The following SORCS2 variants were observed in gnomAD, a reference collection of about 807,000 sequenced individuals.
SORCS2 encodes sortilin related VPS10 domain containing receptor 2, also known as VPS10 domain-containing receptor SorCS2.
Under a neutral mutation model 141.6 loss-of-function variants are expected in SORCS2, and 100 were observed. That is an observed-to-expected ratio of 0.71 (90% CI 0.60 to 0.83). The LOEUF is 0.83. SORCS2 is among the 40% of genes least tolerant of loss of function. SORCS2 has a pLI of 0.00. For missense variants in SORCS2, 1,646 were observed against 1,560.2 expected (o/e 1.05, Z -0.93); for synonymous variants, 789 against 676.9 (o/e 1.17, Z -2.57).
intron 2 of SORCS2, among the ~76,000 whole-genome samples, chr4:7,417,411 C>G (rs927941193): frequency 6.6e-6 from 1 of 152,188 alleles, no homozygotes; most frequent in African/African-American, 2.4e-5. Flanking sequence ...CAGGGGCTAA[C>G]ACAGGGAGCA....
chr4:7,613,349 G>A (rs1302223725), intron 3 of SORCS2, among the ~76,000 whole-genome samples: 1 of 152,256 alleles, frequency 6.6e-6, no homozygotes, highest in Non-Finnish European at 1.5e-5. Flanking sequence ...GGCGCTGTCT[G>A]TTCAGCGGGG....
chr4:7,313,177 T>A (rs73796625), intron 1 of SORCS2, among the ~76,000 whole-genome samples: 149 of 152,382 alleles, frequency 9.8e-4, no homozygotes, highest in African/African-American at 3.5e-3. Context: ...TTCCGATGCA[T>A]TCATTGTGCA....
At chr4:7,722,864 C>T (rs377589365) in intron 18 of SORCS2, among the ~76,000 whole-genome samples, 3 of 152,208 alleles carry the variant, frequency 2.0e-5, no homozygotes, top group African/African-American at 4.8e-5. Flanking sequence ...GAGAAGATGG[C>T]TAAGTGGTTA....
intron 2 of SORCS2, among the ~76,000 whole-genome samples, chr4:7,506,590 T>A (rs1560340283): frequency 6.6e-6 from 1 of 152,068 alleles, no homozygotes; most frequent in African/African-American, 2.4e-5. Flanking sequence ...ACTGGCCGCA[T>A]GGCCCTTGGC....
intron 9 of SORCS2, 55 bp from the exon 10 acceptor site, chr4:7,682,688 G>C (rs1723600054): frequency 6.5e-7 from 1 of 1,534,668 alleles, no homozygotes; most frequent in East Asian, 2.4e-5. Flanking sequence ...GTGGATACTT[G>C]GTCATCAGAG....
In SORCS2 at chr4:7,565,034, C is replaced by T. The variant is rs564233118; in HGVS notation, c.648+33405C>T. 3.9e-5 allele frequency among the ~76,000 whole-genome samples: 6 copies of T among 152,232 alleles called. No individual in the cohort carries two copies. In the South Asian group the frequency reaches 6.2e-4, roughly 16 times the overall value. ...CCTTTGGATGCTCCTCCTCATGTTA[C>T]GATTGAGGCCCGTGTGTTAGCTACC... On this transcript the variant is annotated intron_variant, in intron 3 of 26. Coordinates refer to ENST00000507866, the MANE Select transcript of SORCS2 (RefSeq NM_020777.3).
intron 1 of SORCS2, among the ~76,000 whole-genome samples, chr4:7,252,376 G>A (rs1255972238): frequency 6.6e-6 from 1 of 152,326 alleles, no homozygotes; most frequent in African/African-American, 2.4e-5. Context: ...GAGCTCAGGG[G>A]CCGGCAGTGC....
chr4:7,317,088 C>A, intron 1 of SORCS2, among the ~76,000 whole-genome samples: 1 of 152,162 alleles, frequency 6.6e-6, no homozygotes, highest in East Asian at 1.9e-4. Flanking sequence ...GCTTCAAGGT[C>A]CCCAGTGTCC....
intron 3 of SORCS2, among the ~76,000 whole-genome samples, chr4:7,590,701 C>A (rs976124998): frequency 6.6e-6 from 1 of 152,206 alleles, no homozygotes; most frequent in African/African-American, 2.4e-5. Flanking sequence ...ATGGTCCCAT[C>A]CCTGCCCTGG....
At chr4:7,714,123 C>G in intron 15 of SORCS2, 117 bp from the exon 16 acceptor site, 1 of 1,396,516 alleles carries the variant, frequency 7.2e-7, no homozygotes, top group Non-Finnish European at 9.5e-7. Flanking sequence ...CTCAGTTTCC[C>G]CATCTGTAAC....
At chr4:7,351,168 C>T (rs1720918938) in intron 1 of SORCS2, among the ~76,000 whole-genome samples, 2 of 152,190 alleles carry the variant, frequency 1.3e-5, no homozygotes, top group South Asian at 2.1e-4. Flanking sequence ...GCCCCTGGCC[C>T]TCTGCTGCCT....
chr4:7,671,461 G>GA (rs1241227708), intron 8 of SORCS2, among the ~76,000 whole-genome samples: 1 of 151,548 alleles, frequency 6.6e-6, no homozygotes, highest in Non-Finnish European at 1.5e-5. Context: ...GAAAAATAGA[G>GA]AAAAACAAGA....
chr4:7,297,028 C>T (rs1378134085), intron 1 of SORCS2, among the ~76,000 whole-genome samples: 2 of 152,218 alleles, frequency 1.3e-5, no homozygotes, highest in African/African-American at 4.8e-5. Context: ...ACACCTGGGA[C>T]AGCCATGCCC....
At chr4:7,560,232 G>C (rs546461647) in intron 3 of SORCS2, among the ~76,000 whole-genome samples, 45 of 152,310 alleles carry the variant, frequency 3.0e-4, no homozygotes, top group African/African-American at 1.1e-3. Flanking sequence ...GCTTCTGGCA[G>C]ACTCTCGGGA....
Position 7,732,058 on chromosome 4 carries a change from G to T in SORCS2, c.3109-1264G>T, listed in dbSNP as rs112594717. Among the ~76,000 whole-genome samples, 67 of 152,280 alleles carry T rather than the reference G, an allele frequency of 4.4e-4. 1 individual carries two copies. Among genetic ancestry groups the T allele is most frequent in the African/African-American group, 1.6e-3 (65 of 41,546 alleles). The stretch of plus-strand genomic sequence containing the variant: ...ATTCATGAAGCATACCTCTGACAAG[G>T]GTTCACATCCAGAATACGTAAGAAA... On this transcript the variant is annotated intron_variant, in intron 23 of 26. Coordinates refer to ENST00000507866, the MANE Select transcript of SORCS2 (RefSeq NM_020777.3).
intron 2 of SORCS2, among the ~76,000 whole-genome samples, chr4:7,435,246 T>TCCTG (rs1727223615): frequency 6.6e-6 from 1 of 152,058 alleles, no homozygotes; most frequent in Non-Finnish European, 1.5e-5. Flanking sequence ...CACTGTCCTC[T>TCCTG]CCTGACTTGT....
At chr4:7,478,457 C>T (rs1166982501) in intron 2 of SORCS2, among the ~76,000 whole-genome samples, 4 of 152,110 alleles carry the variant, frequency 2.6e-5, no homozygotes, top group Non-Finnish European at 5.9e-5. Context: ...CTTTCCTGGC[C>T]CCGACCCCTG....
At chr4:7,299,765 G>A (rs937753729) in intron 1 of SORCS2, among the ~76,000 whole-genome samples, 2 of 152,158 alleles carry the variant, frequency 1.3e-5, no homozygotes, top group Non-Finnish European at 2.9e-5. Flanking sequence ...CGCTGCCTGC[G>A]GGGCGTTTCT....
intron 10 of SORCS2, among the ~76,000 whole-genome samples, chr4:7,686,774 G>A (rs1234957391): frequency 6.6e-6 from 1 of 152,230 alleles, no homozygotes; most frequent in Admixed American, 6.5e-5. Flanking sequence ...TTGCGTGGGA[G>A]TGCGTGTGTC....
Sources: allele counts gnomAD v4.1 joint callset (sites outside exome capture counted in the v4.1 genomes callset), GRCh38; gene constraint gnomAD v4.1.1; transcripts MANE v1.5; gene names NCBI Gene and HGNC (gene_info 2026-07-23, HGNC 2026-07-21).